The following B3GALT1 variants were observed in gnomAD, a reference collection of about 807,000 sequenced individuals.
B3GALT1 encodes the protein UDP-Gal:betaGlcNAc beta 1,3-galactosyltransferase, polypeptide 1.
In B3GALT1, 10 loss-of-function variants were observed where a neutral mutation model predicts 23.2. That is an observed-to-expected ratio of 0.43 (90% CI 0.27 to 0.73). The LOEUF is 0.73. Among genes scored for constraint, B3GALT1 ranks in the 30% least tolerant of loss-of-function variants. B3GALT1 has a pLI of 0.21. For missense variants in B3GALT1, 299 were observed against 405.4 expected, an observed-to-expected ratio of 0.74 and a Z score of 2.25; for synonymous variants, 156 against 141.5, an observed-to-expected ratio of 1.10 and a Z score of -0.73.
chr2:167,561,320 AT>A (rs1173576294), intron 2 of B3GALT1, among the ~76,000 whole-genome samples: 1 of 152,226 alleles, frequency 6.6e-6, no homozygotes, highest in Non-Finnish European at 1.5e-5. Context: ...GTAGACGGAA[AT>A]TTATAGGACT....
rs75078294 is a variant in B3GALT1, at chr2:167,788,428, A to C, written c.-351-30244A>C. ...GGACCCCTGAGCTTGTTTTTCTGCA[A>C]CTAGACGGTCCCATCTGGGGGTGAT... On this transcript the variant is annotated intron_variant, in intron 3 of 4. Coordinates refer to ENST00000392690, the MANE Select transcript of B3GALT1 (RefSeq NM_020981.4). Among the ~76,000 whole-genome samples, 6 of 152,272 alleles carry C rather than the reference A, an allele frequency of 3.9e-5. No homozygotes were observed. In the East Asian group the frequency reaches 1.2e-3, roughly 29 times the overall value.
At chr2:167,469,829 TAAG>T (rs1396679431) in intron 1 of B3GALT1, among the ~76,000 whole-genome samples, 2 of 152,156 alleles carry the variant, frequency 1.3e-5, no homozygotes, top group Non-Finnish European at 2.9e-5. Context: ...TCATGACAGA[TAAG>T]AAAAAACTAT....
chr2:167,771,428 TAAAC>T (rs927278301), intron 3 of B3GALT1, among the ~76,000 whole-genome samples: 2 of 151,884 alleles, frequency 1.3e-5, no homozygotes. Context: ...CATCTCAATT[TAAAC>T]AAACAAACAA....
chr2:167,723,390 G>T (rs1687262744), intron 3 of B3GALT1, among the ~76,000 whole-genome samples: 1 of 152,030 alleles, frequency 6.6e-6, no homozygotes, highest in South Asian at 2.1e-4. Context: ...ATTAAAATAA[G>T]CCCAACAATA....
chr2:167,742,570 C>G lies in B3GALT1; in HGVS notation c.-351-76102C>G, dbSNP rs1212872890. The stretch of plus-strand genomic sequence containing the variant: ...ATATGGTGGGGTAAAGAAATCTGTT[C>G]TATCACAGCAGAAAGATGACTACGT... On this transcript the variant is annotated intron_variant, in intron 3 of 4. Coordinates refer to ENST00000392690, the MANE Select transcript of B3GALT1 (RefSeq NM_020981.4). 2.6e-5 allele frequency among the ~76,000 whole-genome samples: 4 copies of G among 152,240 alleles called. No homozygotes were observed. The South Asian group carries it at 8.3e-4, about 32-fold the overall frequency.
At chr2:167,604,148 A>G (rs1558921605) in intron 2 of B3GALT1, among the ~76,000 whole-genome samples, 1 of 152,188 alleles carries the variant, frequency 6.6e-6, no homozygotes, top group Non-Finnish European at 1.5e-5. Flanking sequence ...GCACATACAC[A>G]ATAAGTATTC....
intron 3 of B3GALT1, chr2:167,714,062 T>A: frequency 6.5e-7 from 1 of 1,536,172 alleles, no homozygotes; most frequent in Non-Finnish European, 9.0e-7. Context: ...ATGACCAGGA[T>A]CATCTTTGGC....
chr2:167,498,979 G>A (rs140828759), intron 2 of B3GALT1, among the ~76,000 whole-genome samples: 279 of 152,242 alleles, frequency 1.8e-3, no homozygotes, highest in Non-Finnish European at 3.2e-3. Flanking sequence ...AAAACAGCCT[G>A]CTTGGTCTGT....
chr2:167,656,576 C>A (rs188929024), intron 3 of B3GALT1, among the ~76,000 whole-genome samples: 1 of 152,218 alleles, frequency 6.6e-6, no homozygotes, highest in East Asian at 1.9e-4. Context: ...ATTATATTTA[C>A]TGTATCTTGT....
chr2:167,583,424 C>G (rs1464594703), intron 2 of B3GALT1, among the ~76,000 whole-genome samples: 2 of 152,068 alleles, frequency 1.3e-5, no homozygotes, highest in African/African-American at 4.8e-5. Context: ...TTTTCTCCCT[C>G]TCTCCCTTTT....
intron 3 of B3GALT1, among the ~76,000 whole-genome samples, chr2:167,676,593 G>A (rs1004679624): frequency 2.7e-5 from 4 of 150,050 alleles, no homozygotes; most frequent in Non-Finnish European, 3.0e-5. Context: ...ACAGAGCCTC[G>A]CTTTCTTGCC....
intron 1 of B3GALT1, among the ~76,000 whole-genome samples, chr2:167,447,013 A>G (rs1351261308): frequency 3.3e-5 from 5 of 152,110 alleles, no homozygotes; most frequent in Non-Finnish European, 5.9e-5. Flanking sequence ...TTGGTCTTTG[A>G]TGATGGTGAG....
At chr2:167,521,839 A>G (rs994319104) in intron 2 of B3GALT1, among the ~76,000 whole-genome samples, 3 of 151,702 alleles carry the variant, frequency 2.0e-5, no homozygotes, top group Non-Finnish European at 4.4e-5. Flanking sequence ...ATGGTAAAAG[A>G]CATATCATTC....
chr2:167,568,773 T>C (rs1466458910), intron 2 of B3GALT1, among the ~76,000 whole-genome samples: 1 of 148,996 alleles, frequency 6.7e-6, no homozygotes, highest in Non-Finnish European at 1.5e-5. Flanking sequence ...ATGTCTTTGA[T>C]TTTTTTTTTA....
At chr2:167,402,918 C>A (rs1211048283) in intron 1 of B3GALT1, among the ~76,000 whole-genome samples, 1 of 152,138 alleles carries the variant, frequency 6.6e-6, no homozygotes, top group African/African-American at 2.4e-5. Context: ...AACTTTTAAA[C>A]AAGCATAATG....
chr2:167,685,535 C>T (rs1686604575), intron 3 of B3GALT1, among the ~76,000 whole-genome samples: 1 of 152,120 alleles, frequency 6.6e-6, no homozygotes, highest in African/African-American at 2.4e-5. Flanking sequence ...AGCTCTGAAT[C>T]TGAGGAAGAG....
chr2:167,531,427 C>A (rs937628771), intron 2 of B3GALT1, among the ~76,000 whole-genome samples: 1 of 152,038 alleles, frequency 6.6e-6, no homozygotes, highest in Non-Finnish European at 1.5e-5. Flanking sequence ...TGATCAACCA[C>A]CAGGTGTGAA....
chr2:167,703,913 G>A lies in B3GALT1; in HGVS notation c.-352+56947G>A, dbSNP rs575566965. 3.7e-4 allele frequency among the ~76,000 whole-genome samples: 56 copies of A among 152,174 alleles called. 2 individuals carry two copies. The East Asian group carries it at 8.1e-3, about 22-fold the overall frequency. On this transcript the variant is annotated intron_variant, in intron 3 of 4. Transcript: ENST00000392690. Reference sequence around the variant, plus strand: ...AAGGTAACTCAGGGCCCGGCGCGGTGGCTCACACCTGTAATCCCAGCACTT... The same window carrying A: ...AAGGTAACTCAGGGCCCGGCGCGGTAGCTCACACCTGTAATCCCAGCACTT...
intron 1 of B3GALT1, among the ~76,000 whole-genome samples, chr2:167,393,767 T>C (rs944935799): frequency 1.3e-5 from 2 of 152,164 alleles, no homozygotes; most frequent in South Asian, 2.1e-4. Context: ...TTAATACTTA[T>C]CACACAGGGC....
Sources: allele counts gnomAD v4.1 joint callset (sites outside exome capture counted in the v4.1 genomes callset), GRCh38; gene constraint gnomAD v4.1.1; transcripts MANE v1.5; gene names NCBI Gene and HGNC (gene_info 2026-07-23, HGNC 2026-07-21).